AUH: variants seen among roughly 807,000 people sequenced by gnomAD.
The protein encoded by AUH is methylglutaconyl-CoA hydratase, mitochondrial.
AUH carries 29 observed loss-of-function variants against 42.3 expected under a neutral mutation model. That is an observed-to-expected ratio of 0.69 (90% CI 0.51 to 0.93). The LOEUF (loss-of-function observed/expected upper bound fraction) is 0.93, where lower values mean the gene tolerates loss of function less well. AUH is among the 40% of genes least tolerant of loss of function. The pLI, the probability that AUH is intolerant of heterozygous loss-of-function variation, is 0.00. For missense variants in AUH, 452 were observed against 438.1 expected (o/e 1.03, Z -0.28); for synonymous variants, 174 against 166.4 (o/e 1.05, Z -0.35).
chr9:91,339,582 T>C (rs747790780), intron 3 of AUH, among the ~76,000 whole-genome samples: 10 of 152,238 alleles, frequency 6.6e-5, no homozygotes, highest in Non-Finnish European at 1.2e-4. Flanking sequence ...TGTGTGAATA[T>C]GTAATGTAAT....
intron 6 of AUH, among the ~76,000 whole-genome samples, chr9:91,287,387 G>A (rs573201491): frequency 2.6e-5 from 4 of 152,220 alleles, no homozygotes; most frequent in Non-Finnish European, 4.4e-5. Flanking sequence ...TAAATGCAAC[G>A]TGGAGGCCTC....
intron 4 of AUH, among the ~76,000 whole-genome samples, chr9:91,307,834 C>T (rs1019544602): frequency 2.0e-5 from 3 of 152,102 alleles, no homozygotes; most frequent in South Asian, 4.2e-4. Context: ...TGGAGTGCAT[C>T]CCCTAATAAT....
In AUH at chr9:91,264,836, A is replaced by G. The variant is rs115062280; in HGVS notation, c.655+31185T>C. Among the ~76,000 whole-genome samples the G allele has an allele frequency of 9.3e-4, 142 of 152,326 alleles. 1 individual carries two copies. The highest frequency in any genetic ancestry group is 3.2e-3 in the African/African-American group (135 of 41,566). ...GAAAATGTCTTAACTTTGCTATCTTATATCTAGACATATCTTTGCTATCTC... is the reference window on the plus strand; with the variant it reads ...GAAAATGTCTTAACTTTGCTATCTTGTATCTAGACATATCTTTGCTATCTC... On this transcript the variant is annotated intron_variant, in intron 6 of 9. Transcript: ENST00000375731.
At chr9:91,255,358 G>A (rs1055419572) in intron 6 of AUH, among the ~76,000 whole-genome samples, 122 of 152,266 alleles carry the variant, frequency 8.0e-4, no homozygotes, top group African/African-American at 2.3e-3. Flanking sequence ...ATATCGTCCC[G>A]AAGGAGTGGT....
chr9:91,304,319 A>G (rs1421568412), intron 4 of AUH, among the ~76,000 whole-genome samples: 1 of 152,176 alleles, frequency 6.6e-6, no homozygotes, highest in Non-Finnish European at 1.5e-5. Context: ...TTACTTTTTT[A>G]CTAGGAAAAA....
intron 6 of AUH, among the ~76,000 whole-genome samples, chr9:91,224,421 T>C (rs1293048924): frequency 6.6e-6 from 1 of 152,240 alleles, no homozygotes; most frequent in African/African-American, 2.4e-5. Flanking sequence ...CTTTTCACTC[T>C]GTTGATAGTG....
At chr9:91,346,656 G>A (rs146668745) in intron 3 of AUH, among the ~76,000 whole-genome samples, 228 of 152,130 alleles carry the variant, frequency 1.5e-3, no homozygotes, top group African/African-American at 5.1e-3. Flanking sequence ...AACATCAAGC[G>A]GGTATCCAAC....
intron 4 of AUH, among the ~76,000 whole-genome samples, chr9:91,304,409 A>G (rs555342582): frequency 1.3e-5 from 2 of 152,348 alleles, no homozygotes; most frequent in East Asian, 3.9e-4. Context: ...TGTGGGCAAC[A>G]TGGAATAGGG....
intron 6 of AUH, among the ~76,000 whole-genome samples, chr9:91,277,927 C>A (rs7856668): frequency 0.11 from 17,473 of 152,092 alleles, 1,133 homozygotes; most frequent in African/African-American, 0.17. Context: ...TTCTTATTAA[C>A]TGAGATTAAA....
At chr9:91,279,846 G>A (rs1006948265) in intron 6 of AUH, among the ~76,000 whole-genome samples, 2 of 152,170 alleles carry the variant, frequency 1.3e-5, no homozygotes, top group African/African-American at 2.4e-5. Context: ...CGACTCCACA[G>A]GTAGACATGG....
intron 4 of AUH, among the ~76,000 whole-genome samples, chr9:91,312,799 A>G (rs974647987): frequency 7.9e-5 from 12 of 152,198 alleles, no homozygotes; most frequent in African/African-American, 2.7e-4. Context: ...AGGCCCCAGT[A>G]CACCACTGCC....
intron 3 of AUH, among the ~76,000 whole-genome samples, chr9:91,345,002 T>C (rs1311399289): frequency 2.1e-5 from 3 of 143,386 alleles, no homozygotes; most frequent in South Asian, 4.5e-4. Context: ...ATTCAATACA[T>C]GTTCATGAAA....
In AUH at chr9:91,275,284, C is replaced by A. The variant is rs79017696; in HGVS notation, c.655+20737G>T. On this transcript the variant is annotated intron_variant, in intron 6 of 9. Coordinates refer to ENST00000375731, the MANE Select transcript of AUH (RefSeq NM_001698.3). ...CCTGCTCCAGGGCTCCAAATCACCA[C>A]GGAGCAACAGGTGAGGTTAGTGGTT... Among the ~76,000 whole-genome samples the A allele has an allele frequency of 1.2e-3, 179 of 152,296 alleles. 2 individuals are homozygous for A. In the East Asian group the frequency reaches 0.021, roughly 18 times the overall value.
chr9:91,291,571 G>T (rs1384569128), intron 6 of AUH, among the ~76,000 whole-genome samples: 1 of 152,140 alleles, frequency 6.6e-6, no homozygotes, highest in Non-Finnish European at 1.5e-5. Flanking sequence ...GCATAATAGA[G>T]TAAGTATATA....
chr9:91,220,896 AC>A lies in AUH; in HGVS notation c.751del (p.Val251TrpfsTer3). 1 of 1,614,250 alleles carries A rather than the reference AC, an allele frequency of 6.2e-7. No individual in the cohort carries two copies. Among genetic ancestry groups the A allele is most frequent in the Non-Finnish European group, 8.5e-7 (1 of 1,180,052 alleles). On this transcript the variant is annotated frameshift_variant, in exon 7 of 10. Transcript: ENST00000375731. LOFTEE classifies it high-confidence loss of function. ...RVLDGKEAKA[V>X]GLISHVLEQN... The stretch of plus-strand genomic sequence containing the variant: ...TTCCAGAACGTGGCTGATTAAGCCC[AC>A]TGCTTTGGCTTCTTTGCCATCGAGG...
At chr9:91,285,702 G>C (rs1490546947) in intron 6 of AUH, among the ~76,000 whole-genome samples, 1 of 152,048 alleles carries the variant, frequency 6.6e-6, no homozygotes, top group Admixed American at 6.6e-5. Context: ...TCTGTACACA[G>C]TACAAAGTCA....
At chr9:91,313,233 CTA>C (rs1399804806) in intron 4 of AUH, among the ~76,000 whole-genome samples, 2 of 152,218 alleles carry the variant, frequency 1.3e-5, no homozygotes, top group East Asian at 3.9e-4. Context: ...GCAGGAGTGA[CTA>C]TATCAATTTA....
chr9:91,308,514 T>C (rs535864852), intron 4 of AUH, among the ~76,000 whole-genome samples: 14 of 152,318 alleles, frequency 9.2e-5, no homozygotes, highest in African/African-American at 3.1e-4. Context: ...TAAGTCACCA[T>C]GCAGAAAACA....
chr9:91,242,506 G>A (rs965619199), intron 6 of AUH, among the ~76,000 whole-genome samples: 2 of 152,184 alleles, frequency 1.3e-5, no homozygotes, highest in Non-Finnish European at 2.9e-5. Context: ...GGAAAAGTGT[G>A]GAGAGAATAC....
Sources: gnomAD v4.1 joint callset for allele counts (sites outside exome capture counted in the v4.1 genomes callset) on GRCh38, gnomAD v4.1.1 for gene constraint, MANE v1.5 for transcripts, NCBI Gene and HGNC (gene_info 2026-07-23, HGNC 2026-07-21) for gene names.